Variants in CCDC148 observed in about 807,000 individuals in gnomAD.
The protein encoded by CCDC148 is coiled-coil domain containing 148.
Under a neutral mutation model 85.7 loss-of-function variants are expected in CCDC148, and 89 were observed. The ratio of observed to expected loss-of-function variants is 1.04; its 90% confidence interval spans 0.87 to 1.24. The LOEUF (loss-of-function observed/expected upper bound fraction) is 1.24, where lower values mean the gene tolerates loss of function less well. Among genes scored for constraint, CCDC148 ranks in the 50% most tolerant of loss-of-function variants. The pLI is 0.00. For synonymous variants in CCDC148, 230 were observed against 213.9 expected (o/e 1.08, Z -0.66); for missense variants, 692 against 671.7 (o/e 1.03, Z -0.33).
chr2:158,353,159 C>G (rs1683416308), intron 2 of CCDC148, among the ~76,000 whole-genome samples: 1 of 143,104 alleles, frequency 7.0e-6, no homozygotes. Flanking sequence ...TAGGAAGAAA[C>G]TGCATCAACT....
At chr2:158,331,067 C>T (rs1040864715) in intron 7 of CCDC148, among the ~76,000 whole-genome samples, 3 of 152,092 alleles carry the variant, frequency 2.0e-5, no homozygotes, top group African/African-American at 7.2e-5. Context: ...AATGTGTTTG[C>T]TCTTGCTTCT....
At position 158,281,789 on chromosome 2, in the gene CCDC148, C is replaced by T. The variant is rs552907401; in HGVS notation, c.1110+27644G>A. ...CTAACTCATTTTATGAGGCCAGCAT[C>T]ATCCTGATACCAAAGCCGGGCAGAG... On this transcript the variant is annotated intron_variant, in intron 9 of 13. Coordinates refer to ENST00000283233, the MANE Select transcript of CCDC148 (RefSeq NM_138803.4). Among the ~76,000 whole-genome samples, 178 of 152,258 alleles carry T rather than the reference C, an allele frequency of 1.2e-3. 1 individual carries two copies. Among genetic ancestry groups the T allele is most frequent in the African/African-American group, 4.0e-3 (168 of 41,532 alleles).
At chr2:158,388,234 A>C (rs979320037) in intron 1 of CCDC148, among the ~76,000 whole-genome samples, 1 of 130,804 alleles carries the variant, frequency 7.6e-6, no homozygotes, top group Non-Finnish European at 1.7e-5. Flanking sequence ...GTATTTTCTG[A>C]AGTCTTGTTA....
intron 1 of CCDC148, among the ~76,000 whole-genome samples, chr2:158,359,089 G>T (rs1683809166): frequency 6.6e-6 from 1 of 152,134 alleles, no homozygotes; most frequent in Non-Finnish European, 1.5e-5. Flanking sequence ...TTAAAATGAT[G>T]TAAAATGTCT....
intron 10 of CCDC148, among the ~76,000 whole-genome samples, chr2:158,229,803 A>G (rs1687759983): frequency 1.3e-5 from 2 of 152,074 alleles, no homozygotes; most frequent in Non-Finnish European, 2.9e-5. Context: ...TCCTTCTCAC[A>G]TGGAATTAAA....
Position 158,336,967 on chromosome 2 carries a change from T to C in CCDC148, c.764+1759A>G, listed in dbSNP as rs573316459. ...CCTAAGCTATTTTATCCTCAATATT[T>C]CTTCCTTCTGCAGAATTGTTAGCAT... On this transcript the variant is annotated intron_variant, in intron 7 of 13. Coordinates refer to ENST00000283233, the MANE Select transcript of CCDC148 (RefSeq NM_138803.4). Among the ~76,000 whole-genome samples the C allele has an allele frequency of 2.0e-5, 3 of 152,282 alleles. No individual in the cohort carries two copies. The South Asian group carries it at 6.2e-4, about 32-fold the overall frequency.
At chr2:158,271,403 T>C (rs1261612844) in intron 9 of CCDC148, among the ~76,000 whole-genome samples, 1 of 152,208 alleles carries the variant, frequency 6.6e-6, no homozygotes, top group Admixed American at 6.5e-5. Flanking sequence ...AGTTGCATGC[T>C]GTTCTGAGTA....
At chr2:158,282,471 C>T (rs952696079) in intron 9 of CCDC148, among the ~76,000 whole-genome samples, 5 of 152,022 alleles carry the variant, frequency 3.3e-5, no homozygotes, top group Non-Finnish European at 5.9e-5. Context: ...ACAAGCATTC[C>T]CATACACCAA....
At chr2:158,274,603 A>G (rs1200164542) in intron 9 of CCDC148, among the ~76,000 whole-genome samples, 1 of 152,170 alleles carries the variant, frequency 6.6e-6, no homozygotes, top group East Asian at 1.9e-4. Context: ...TCAGCCAACT[A>G]TATTTCCTAT....
intron 11 of CCDC148, among the ~76,000 whole-genome samples, chr2:158,192,489 G>A (rs1008568939): frequency 6.7e-6 from 1 of 150,096 alleles, no homozygotes; most frequent in African/African-American, 2.4e-5. Context: ...AAAACAGATA[G>A]CTAACTTTTA....
chr2:158,365,592 T>C (rs910950742), intron 1 of CCDC148, among the ~76,000 whole-genome samples: 1 of 151,906 alleles, frequency 6.6e-6, no homozygotes, highest in Non-Finnish European at 1.5e-5. Flanking sequence ...CACTCATAAG[T>C]GGGAGTTGAA....
intron 1 of CCDC148, among the ~76,000 whole-genome samples, chr2:158,405,480 T>C (rs1322967419): frequency 1.3e-5 from 2 of 152,104 alleles, no homozygotes; most frequent in South Asian, 2.1e-4. Context: ...TCCAAACTGA[T>C]ACAAATAAAG....
At chr2:158,211,497 G>A (rs1686575868) in intron 11 of CCDC148, among the ~76,000 whole-genome samples, 1 of 152,198 alleles carries the variant, frequency 6.6e-6, no homozygotes. Flanking sequence ...ACACATACCT[G>A]CTGACATTCC....
At chr2:158,365,995 T>A in intron 1 of CCDC148, 1 of 1,481,688 alleles carries the variant, frequency 6.7e-7, no homozygotes, top group Non-Finnish European at 9.1e-7. Context: ...TAAAACAGAG[T>A]TGGAAGTAAG....
chr2:158,322,993 G>A (rs4572547), intron 7 of CCDC148, among the ~76,000 whole-genome samples: 25,616 of 151,986 alleles, frequency 0.17, 3,483 homozygotes, highest in African/African-American at 0.38. Context: ...CATCTATATG[G>A]TTAATTCATC....
chr2:158,318,274 G>T (rs1172596627), intron 7 of CCDC148, among the ~76,000 whole-genome samples: 2 of 152,106 alleles, frequency 1.3e-5, no homozygotes, highest in Non-Finnish European at 2.9e-5. Context: ...ATTCCTCAGA[G>T]ATCCATTCCC....
chr2:158,381,493 C>A (rs1385625478), intron 1 of CCDC148, among the ~76,000 whole-genome samples: 1 of 152,064 alleles, frequency 6.6e-6, no homozygotes, highest in African/African-American at 2.4e-5. Context: ...GTGGAGCAAC[C>A]AGAGCGTTCA....
At chr2:158,206,398 G>T (rs1428922784) in intron 11 of CCDC148, among the ~76,000 whole-genome samples, 2 of 152,072 alleles carry the variant, frequency 1.3e-5, no homozygotes, top group Non-Finnish European at 2.9e-5. Flanking sequence ...AGCCCCTAAG[G>T]CACCCTCTGG....
chr2:158,354,456 G>A (rs920540212), intron 2 of CCDC148, among the ~76,000 whole-genome samples: 4 of 151,254 alleles, frequency 2.6e-5, no homozygotes, highest in Middle Eastern at 3.2e-3. Flanking sequence ...ACACCTCTAC[G>A]CAAATAAACT....
Sources: allele counts gnomAD v4.1 joint callset (sites outside exome capture counted in the v4.1 genomes callset), GRCh38; gene constraint gnomAD v4.1.1; transcripts MANE v1.5; gene names NCBI Gene and HGNC (gene_info 2026-07-23, HGNC 2026-07-21).